The following DLG5 variants were observed in gnomAD, a reference collection of about 807,000 sequenced individuals.
The protein encoded by DLG5 is discs large MAGUK scaffold protein 5, also known as disks large homolog 5.
DLG5 carries 48 observed loss-of-function variants against 189.8 expected under a neutral mutation model. The observed-to-expected ratio is 0.25, with a 90% CI of 0.20 to 0.32. The LOEUF (loss-of-function observed/expected upper bound fraction) is 0.32. DLG5 is among the 10% of genes least tolerant of loss of function. DLG5 has a pLI of 1.00. For synonymous variants in DLG5, 1,016 were observed against 1,054.1 expected (o/e 0.96, Z 0.70); for missense variants, 2,160 against 2,544.7 (o/e 0.85, Z 3.25).
intron 5 of DLG5, chr10:77,845,450 GAAAAACAC>G (rs1564542084): frequency 6.6e-6 from 1 of 152,094 alleles, no homozygotes; most frequent in Non-Finnish European, 1.5e-5. Context: ...CAATAAACAC[GAAAAACAC>G]AAAAAGCAAA....
intron 13 of DLG5, among the ~76,000 whole-genome samples, chr10:77,824,917 C>G (rs1171341628): frequency 6.6e-6 from 1 of 152,162 alleles, no homozygotes. Context: ...AAGTACCACG[C>G]GAAGTGGGGC....
chr10:77,930,560 G>T (rs1846777457), upstream of DLG5, among the ~76,000 whole-genome samples: 1 of 151,876 alleles, frequency 6.6e-6, no homozygotes, highest in Non-Finnish European at 1.5e-5. Context: ...TGTTGGCCAG[G>T]CTGGTCTCGA....
At chr10:77,918,795 T>C (rs1846446763) in intron 1 of DLG5, among the ~76,000 whole-genome samples, 1 of 152,130 alleles carries the variant, frequency 6.6e-6, no homozygotes, top group Admixed American at 6.5e-5. Flanking sequence ...AACACGCAGC[T>C]CAGCCCTCTT....
At chr10:77,801,143 C>G (rs946092958) in intron 27 of DLG5, among the ~76,000 whole-genome samples, 4 of 152,164 alleles carry the variant, frequency 2.6e-5, no homozygotes, top group Non-Finnish European at 5.9e-5. Context: ...ACAAAGACCA[C>G]AGAAAGAGAC....
chr10:77,820,282 G>T, intron 15 of DLG5: 1 of 378,014 alleles, frequency 2.6e-6, no homozygotes, highest in Non-Finnish European at 4.9e-6. Context: ...GGAGGCAGAA[G>T]TTGCAGTGAG....
rs1446149678 is a variant in DLG5 at position 77,792,089 on chromosome 10, C to G, written c.*351G>C. The G allele has an allele frequency of 3.8e-6, 1 of 263,330 alleles. No individual in the cohort carries two copies. The highest frequency in any genetic ancestry group is 7.2e-6 in the Non-Finnish European group (1 of 138,454). The allele number at this position is 263,330 out of a possible 1,614,324, so 16.3% of individuals were successfully genotyped here. ...GGCAACATGGAGCCGTTCAAGTAAA[C>G]ATAAACCACCAAATACTTAGAAAAG... On this transcript the variant is annotated 3_prime_UTR_variant, in exon 32 of 32. Coordinates refer to ENST00000372391, the MANE Select transcript of DLG5 (RefSeq NM_004747.4).
chr10:77,871,065 T>C (rs1264020628), intron 1 of DLG5, among the ~76,000 whole-genome samples: 2 of 152,206 alleles, frequency 1.3e-5, no homozygotes, highest in East Asian at 3.8e-4. Context: ...CATTATCACA[T>C]TTTCAGAGAC....
Position 77,843,562 on chromosome 10 carries a change from G to A in DLG5, c.1009C>T (p.Arg337Cys), listed in dbSNP as rs770474065. The stretch of plus-strand genomic sequence containing the variant: ...TTCTCCTCCCCCAGCTGCTCCAGGC[G>A]GCTCAGGTCTGCATTGTGGATGGCG... ...KVAIHNADLS[R>C]LEQLGEENQR... Residue 337 changes from arginine (R) to cysteine (C), a missense_variant, in exon 6 of 32, where the codon CGC (arginine) becomes TGC (cysteine). This residue lies in a region of DLG5 where 664 missense variants were observed against 838.5 expected (regional missense o/e 0.79). Transcript: ENST00000372391. 7.4e-6 allele frequency: 12 copies of A among 1,614,000 alleles called. No individual in the cohort carries two copies. Among genetic ancestry groups the A allele is most frequent in the Admixed American group, 6.7e-5 (4 of 59,990 alleles).
At chr10:77,866,366 C>T (rs1844683960) in intron 2 of DLG5, among the ~76,000 whole-genome samples, 2 of 152,192 alleles carry the variant, frequency 1.3e-5, no homozygotes, top group Admixed American at 1.3e-4. Flanking sequence ...AAACCTGCAT[C>T]TCTAATAAGT....
At chr10:77,862,441 T>C (rs979986526) in intron 2 of DLG5, among the ~76,000 whole-genome samples, 1 of 152,206 alleles carries the variant, frequency 6.6e-6, no homozygotes, top group African/African-American at 2.4e-5. Flanking sequence ...TAAAAAGCAA[T>C]GCCACCAAAT....
intron 25 of DLG5, 52 bp from the exon 26 acceptor site, chr10:77,806,980 C>T (rs1178605443): frequency 5.1e-6 from 8 of 1,578,594 alleles, no homozygotes; most frequent in Admixed American, 3.4e-5. Context: ...CCACCAAGGA[C>T]GAACCAGGTG....
At chr10:77,939,423 G>A in the DLG5 span, among the ~76,000 whole-genome samples, 2,463 of 152,192 alleles carry the variant, frequency 0.016, 69 homozygotes, top group African/African-American at 0.057. Flanking sequence ...TGGGAATTCT[G>A]GTGTGGGTAA....
At chr10:77,846,696 C>CA (rs533776648) in intron 5 of DLG5, 5,552 of 339,044 alleles carry the variant, frequency 0.016, 14 homozygotes, top group South Asian at 0.047. Context: ...TATTCTGTCT[C>CA]AAAAAAAAAA....
the DLG5 span, among the ~76,000 whole-genome samples, chr10:77,940,232 G>A: frequency 6.6e-6 from 1 of 152,058 alleles, no homozygotes; most frequent in Non-Finnish European, 1.5e-5. Flanking sequence ...CTCCAATCAG[G>A]GCACACCCAA....
intron 15 of DLG5, 21 bp downstream of exon 15, chr10:77,821,061 C>T: frequency 6.3e-7 from 1 of 1,579,488 alleles, no homozygotes; most frequent in East Asian, 2.2e-5. Flanking sequence ...CCCCTCCCCA[C>T]ACCCTGGGGC....
At chr10:77,808,444 T>G (rs1603641167) in intron 24 of DLG5, among the ~76,000 whole-genome samples, 1 of 152,260 alleles carries the variant, frequency 6.6e-6, no homozygotes, top group African/African-American at 2.4e-5. Flanking sequence ...TTTTTTTGTT[T>G]TGTTTTCTGT....
At chr10:77,867,067 A>G (rs1182000970) in intron 2 of DLG5, 2 of 456,860 alleles carry the variant, frequency 4.4e-6, no homozygotes, top group Admixed American at 4.7e-5. Flanking sequence ...GAGCACAGAG[A>G]TACTGTTGAC....
intron 1 of DLG5, among the ~76,000 whole-genome samples, chr10:77,882,737 C>G (rs944601812): frequency 2.7e-5 from 4 of 147,008 alleles, no homozygotes; most frequent in Admixed American, 2.1e-4. Context: ...CATGGTGAAA[C>G]CTCGTCTCTA....
At position 77,842,258 on chromosome 10, in the gene DLG5, C is replaced by A. The variant is rs1228761946; in HGVS notation, c.1125-65G>T. 1.9e-6 allele frequency: 3 copies of A among 1,544,986 alleles called. No individual in the cohort carries two copies. The African/African-American group carries it at 4.1e-5, about 21-fold the overall frequency. ...CCTGCCCGGTCAGTGGCCGGCTGCG[C>A]TGCTGCCTCCCGCCAGCTCTACTGT... is the stretch of plus-strand genomic sequence containing the variant. On this transcript the variant is annotated intron_variant, in intron 6 of 31. Coordinates refer to ENST00000372391, the MANE Select transcript of DLG5 (RefSeq NM_004747.4).
Sources: allele counts gnomAD v4.1 joint callset (sites outside exome capture counted in the v4.1 genomes callset), GRCh38; gene constraint gnomAD v4.1.1; regional missense constraint gnomAD v4.1.1; transcripts MANE v1.5; gene names NCBI Gene and HGNC (gene_info 2026-07-23, HGNC 2026-07-21).